Variants in N4BP3 observed in about 807,000 individuals in gnomAD.
N4BP3 encodes NEDD4 binding protein 3.
In N4BP3, 33 loss-of-function variants were observed where a neutral mutation model predicts 43.8. The ratio of observed to expected loss-of-function variants is 0.75; its 90% CI spans 0.57 to 1.01. The LOEUF (loss-of-function observed/expected upper bound fraction) is 1.01. Among genes scored for constraint, N4BP3 ranks in the 50% least tolerant of loss-of-function variants. The pLI is 0.00. For missense variants in N4BP3, 756 were observed against 744.2 expected (o/e 1.02, Z -0.18); for synonymous variants, 326 against 321.9 (o/e 1.01, Z -0.14).
Position 178,122,655 on chromosome 5 carries a change from GAAC to G in N4BP3, c.*659_*661del, listed in dbSNP as rs917381220. 6.6e-6 allele frequency: 1 copy of G among 152,184 alleles called. No homozygotes were observed. The highest frequency in any genetic ancestry group is 2.4e-5 in the African/African-American group (1 of 41,428). 9.4% of individuals were successfully genotyped at this position (152,184 alleles called of 1,614,324 possible). On this transcript the variant is annotated 3_prime_UTR_variant, in exon 5 of 5. Coordinates refer to ENST00000274605, the MANE Select transcript of N4BP3 (RefSeq NM_015111.2). ...TTAGCACCAGTGGAGTTTTCAGAAG[GAAC>G]AACACCAGGGAATGCCAAAAAAACA...
chr5:178,124,548 C>G lies in N4BP3; in HGVS notation c.*2547C>G, dbSNP rs1422758386. 1 of 152,418 alleles carries G rather than the reference C, an allele frequency of 6.6e-6. No individual in the cohort carries two copies. Among genetic ancestry groups the G allele is most frequent in the Non-Finnish European group, 1.5e-5 (1 of 68,250 alleles). The allele number at this position is 152,418 out of a possible 1,614,324, so 9.4% of individuals were successfully genotyped here. On this transcript the variant is annotated 3_prime_UTR_variant, in exon 5 of 5. Transcript: ENST00000274605. Reference sequence around the variant, plus strand: ...CCCAGCTGCCCTGGCTTAGCCTTCCCTGCAGCCCCTCCCCAACAGGCTTGG... The same window carrying G: ...CCCAGCTGCCCTGGCTTAGCCTTCCGTGCAGCCCCTCCCCAACAGGCTTGG...
At chr5:178,117,959 T>C (rs1469945519) in intron 1 of N4BP3, among the ~76,000 whole-genome samples, 1 of 152,132 alleles carries the variant, frequency 6.6e-6, no homozygotes, top group Non-Finnish European at 1.5e-5. Flanking sequence ...TGGAACCTCC[T>C]AACGACCATT....
chr5:178,124,257 G>A lies in N4BP3; in HGVS notation c.*2256G>A, dbSNP rs1357237821. 1 of 152,834 alleles carries A rather than the reference G, an allele frequency of 6.5e-6. No homozygotes were observed. The highest frequency in any genetic ancestry group is 6.5e-5 in the Admixed American group (1 of 15,292). 9.5% of individuals were successfully genotyped at this position (152,834 alleles called of 1,614,324 possible). The stretch of plus-strand genomic sequence containing the variant: ...CAGTACAGCCAGTGGGGAGTGGGTG[G>A]GAGGCACCAAAACTTGGCAGCTGTG... On this transcript the variant is annotated 3_prime_UTR_variant, in exon 5 of 5. Coordinates refer to ENST00000274605, the MANE Select transcript of N4BP3 (RefSeq NM_015111.2).
At chr5:178,120,113 C>G in intron 2 of N4BP3, 65 bp from the exon 3 acceptor site, 1 of 1,517,106 alleles carries the variant, frequency 6.6e-7, no homozygotes, top group Non-Finnish European at 8.8e-7. Flanking sequence ...GTGAGAGCAT[C>G]AGGAGGTAGA....
rs1331877967 is a variant in N4BP3, at chr5:178,120,792, C to T, written c.852+93C>T. 1.7e-5 allele frequency: 24 copies of T among 1,428,724 alleles called. No individual in the cohort carries two copies. In the East Asian group the frequency reaches 2.2e-4, roughly 13 times the overall value. 88.5% of individuals were successfully genotyped at this position (1,428,724 alleles called of 1,614,324 possible). On this transcript the variant is annotated intron_variant, in intron 3 of 4. Coordinates refer to ENST00000274605, the MANE Select transcript of N4BP3 (RefSeq NM_015111.2). ...GCCCCAGCCAGTTCACCCACGTGGC[C>T]GTGGACACAAGAGAGCAAGAAAGGG...
chr5:178,119,421 G>C, intron 1 of N4BP3, 133 bp from the exon 2 acceptor site: 1 of 595,140 alleles, frequency 1.7e-6, no homozygotes. Flanking sequence ...TTCTCTCTTG[G>C]ACCCACATCT....
chr5:178,121,883 A>G lies in N4BP3; in HGVS notation c.1517A>G (p.Glu506Gly), dbSNP rs866556151. The change falls in exon 5 of 5, where the codon GAG (glutamate) becomes GGG (glycine). Residue 506 changes from glutamate (E) to glycine (G), a missense_variant. Physicochemically the swap from Glu to Gly is moderately conservative, Grantham distance 98 (BLOSUM62 -2). Transcript: ENST00000274605. The part of the protein sequence containing the change: ...EKERVLRYQR[E>G]IQGGYMDMYR... Reference sequence around the variant, plus strand: ...GAGCGCGTGCTGCGCTACCAGCGGGAGATCCAGGGAGGGTACATGGACATG... The same window carrying G: ...GAGCGCGTGCTGCGCTACCAGCGGGGGATCCAGGGAGGGTACATGGACATG... 2.5e-6 allele frequency: 4 copies of G among 1,610,554 alleles called. No individual in the cohort carries two copies. Among genetic ancestry groups the G allele is most frequent in the Non-Finnish European group, 3.4e-6 (4 of 1,179,384 alleles).
intron 1 of N4BP3, among the ~76,000 whole-genome samples, chr5:178,115,141 T>C (rs1757743827): frequency 1.3e-5 from 2 of 152,124 alleles, no homozygotes; most frequent in East Asian, 1.9e-4. Context: ...CACGAGGCTA[T>C]TGTGGAGATG....
chr5:178,126,404 T>C (rs534824203), downstream of N4BP3, among the ~76,000 whole-genome samples: 1 of 152,188 alleles, frequency 6.6e-6, no homozygotes, highest in South Asian at 2.1e-4. Context: ...GGTCTCGATC[T>C]CCTAACCTCG....
chr5:178,121,082 C>T lies in N4BP3; in HGVS notation c.853-16C>T. 1.3e-6 allele frequency: 2 copies of T among 1,594,206 alleles called. No individual in the cohort carries two copies. The highest frequency in any genetic ancestry group is 1.7e-6 in the Non-Finnish European group (2 of 1,178,122). On this transcript the variant is annotated splice_polypyrimidine_tract_variant and intron_variant, in intron 3 of 4. Coordinates refer to ENST00000274605, the MANE Select transcript of N4BP3 (RefSeq NM_015111.2). ...GGGGGCAGGGCCACGGTGGATGCAT[C>T]TCTTCCCCTTGACAGGTGCTGGAGG...
In N4BP3 at chr5:178,120,507, C is replaced by T; in HGVS notation, c.660C>T (p.Gly220=). The change falls in exon 3 of 5, where the codon GGC becomes GGT. Residue 220 remains glycine (G), a synonymous_variant. Transcript: ENST00000274605. ...SSLGHLNHLG[G]SLDRASQGPK... ...TTGGCCACCTTAACCACCTCGGGGG[C>T]TCCCTGGACCGGGCCTCTCAAGGAC... 1.2e-6 allele frequency: 2 copies of T among 1,613,102 alleles called. No homozygotes were observed. Among genetic ancestry groups the T allele is most frequent in the South Asian group, 2.2e-5 (2 of 91,090 alleles).
Position 178,120,230 on chromosome 5 carries a change from T to C in N4BP3, c.383T>C (p.Phe128Ser), listed in dbSNP as rs1757880213. Reference sequence around the variant, plus strand: ...CCTACGGCGGGCAACGGGAAAGGCTTCCTATCCATGCAAAGTCTGGCGTCC... The same window carrying C: ...CCTACGGCGGGCAACGGGAAAGGCTCCCTATCCATGCAAAGTCTGGCGTCC... Reference protein sequence around the residue: ...FKPTAGNGKGFLSMQSLASHK... With the variant: ...FKPTAGNGKGSLSMQSLASHK... The change falls in exon 3 of 5, where the codon TTC (phenylalanine) becomes TCC (serine). Residue 128 changes from phenylalanine (F) to serine (S), a missense_variant. Phe to Ser is a radical substitution (Grantham distance 155). Transcript: ENST00000274605. 2 of 1,601,428 alleles carry C rather than the reference T, an allele frequency of 1.2e-6. No homozygotes were observed. The highest frequency in any genetic ancestry group is 2.2e-5 in the South Asian group (2 of 90,460).
In N4BP3 at chr5:178,121,819, C is replaced by A. The variant is rs1318370005; in HGVS notation, c.1453C>A (p.Arg485Ser). Residue 485 changes from arginine (R) to serine (S), a missense_variant, in exon 5 of 5, where the codon CGC becomes AGC. Coordinates refer to ENST00000274605, the MANE Select transcript of N4BP3 (RefSeq NM_015111.2). ...ERLRGQEQALRFEQERRTWQE... is the reference protein window; with the variant it reads ...ERLRGQEQALSFEQERRTWQE... ...ACTTCGGGGCCAGGAGCAGGCGCTG[C>A]GCTTTGAGCAGGAGCGGCGGACTTG... 3 of 1,608,762 alleles carry A rather than the reference C, an allele frequency of 1.9e-6. No individual in the cohort carries two copies. In the African/African-American group the frequency reaches 4.0e-5, roughly 21 times the overall value.
At position 178,122,085 on chromosome 5, in the gene N4BP3, G is replaced by A. The variant is rs931418871; in HGVS notation, c.*84G>A. On this transcript the variant is annotated 3_prime_UTR_variant, in exon 5 of 5. Transcript: ENST00000274605. ...CTCAGCCTTCCCTTGCACTGGTTGG[G>A]GTGGAACCTGCAGAGGCCAGCCCGG... The A allele has an allele frequency of 6.1e-5, 89 of 1,453,014 alleles. No homozygotes were observed. The highest frequency in any genetic ancestry group is 3.1e-4 in the South Asian group (22 of 69,912). 90.0% of individuals were successfully genotyped at this position (1,453,014 alleles called of 1,614,324 possible).
In N4BP3 at chr5:178,122,121, G is replaced by A. The variant is rs1757947816; in HGVS notation, c.*120G>A. 1.5e-6 allele frequency: 2 copies of A among 1,298,060 alleles called. No individual in the cohort carries two copies. Among genetic ancestry groups the A allele is most frequent in the East Asian group, 5.1e-5 (2 of 39,316 alleles). 80.4% of individuals were successfully genotyped at this position (1,298,060 alleles called of 1,614,324 possible). A position where few individuals can be genotyped will look rare whatever the true frequency, so the allele number is the denominator to read the frequency against. ...CAGAGGCCAGCCCGGGGCTGGGGAG[G>A]CGCAAGGAGAGGAGGGATCCAGTGG... is the stretch of plus-strand genomic sequence containing the variant. On this transcript the variant is annotated 3_prime_UTR_variant, in exon 5 of 5. Coordinates refer to ENST00000274605, the MANE Select transcript of N4BP3 (RefSeq NM_015111.2).
At chr5:178,120,070 C>T in intron 2 of N4BP3, 108 bp from the exon 3 acceptor site, 1 of 1,487,958 alleles carries the variant, frequency 6.7e-7, no homozygotes, top group Non-Finnish European at 9.0e-7. Context: ...GTGGCACGTG[C>T]CCCGCGGTCT....
chr5:178,114,379 C>T (rs79417842), intron 1 of N4BP3, among the ~76,000 whole-genome samples: 4,207 of 152,352 alleles, frequency 0.028, 72 homozygotes, highest in Middle Eastern at 0.065. Context: ...GCCGGTCCAC[C>T]AGGCTGCAGC....
At chr5:178,116,703 C>T (rs940582967) in intron 1 of N4BP3, among the ~76,000 whole-genome samples, 4 of 152,188 alleles carry the variant, frequency 2.6e-5, no homozygotes, top group Non-Finnish European at 4.4e-5. Context: ...CGGTGGCTAC[C>T]TCTAGCTCAG....
At chr5:178,119,459 G>C in intron 1 of N4BP3, 95 bp from the exon 2 acceptor site, 1 of 876,954 alleles carries the variant, frequency 1.1e-6, no homozygotes, top group Non-Finnish European at 1.7e-6. Flanking sequence ...GCAAGGTTGT[G>C]GGGAGCTACA....
Sources: gnomAD v4.1 joint callset for allele counts (sites outside exome capture counted in the v4.1 genomes callset) on GRCh38, gnomAD v4.1.1 for gene constraint, MANE v1.5 for transcripts, NCBI Gene and HGNC (gene_info 2026-07-23, HGNC 2026-07-21) for gene names.